Variants in SKAP1 observed in about 807,000 individuals in gnomAD.
SKAP1 encodes src kinase-associated phosphoprotein 1.
Under a neutral mutation model 58.5 loss-of-function variants are expected in SKAP1, and 44 were observed. The ratio of observed to expected loss-of-function variants is 0.75; its 90% CI spans 0.59 to 0.97. SKAP1 has a LOEUF of 0.97. Ranked by LOEUF, SKAP1 falls within the 50% of genes least tolerant of loss-of-function variation. SKAP1 has a pLI of 0.00. For missense variants in SKAP1, 390 were observed against 435.2 expected, an observed-to-expected ratio of 0.90 and a Z score of 0.92; for synonymous variants, 127 against 149.7, an observed-to-expected ratio of 0.85 and a Z score of 1.11.
chr17:48,156,438 G>A (rs750931820), intron 11 of SKAP1: 7 of 524,650 alleles, frequency 1.3e-5, no homozygotes, highest in African/African-American at 1.9e-5. Context: ...CTGCACCAGC[G>A]CCACAATCTG....
intron 10 of SKAP1, among the ~76,000 whole-genome samples, chr17:48,167,319 G>T (rs542637085): frequency 1.3e-5 from 2 of 152,252 alleles, no homozygotes; most frequent in Admixed American, 6.5e-5. Flanking sequence ...TATGATCTTA[G>T]TGGTATAAGT....
intron 4 of SKAP1, among the ~76,000 whole-genome samples, chr17:48,293,823 C>T (rs1017200319): frequency 5.9e-5 from 9 of 152,198 alleles, no homozygotes; most frequent in Non-Finnish European, 1.2e-4. Flanking sequence ...CATTGACATT[C>T]ACAGCAGCAT....
intron 4 of SKAP1, among the ~76,000 whole-genome samples, chr17:48,229,479 G>T (rs565160803): frequency 1.6e-4 from 24 of 152,078 alleles, no homozygotes; most frequent in South Asian, 1.0e-3. Flanking sequence ...AAATTAGCTG[G>T]GCGTTGTGGT....
intron 1 of SKAP1, among the ~76,000 whole-genome samples, chr17:48,408,429 C>T (rs950575255): frequency 6.6e-6 from 1 of 152,050 alleles, no homozygotes; most frequent in Non-Finnish European, 1.5e-5. Context: ...TATAAACTAT[C>T]CCAGAGCATA....
At chr17:48,398,868 A>C (rs1422205565) in intron 1 of SKAP1, among the ~76,000 whole-genome samples, 2 of 152,104 alleles carry the variant, frequency 1.3e-5, no homozygotes, top group African/African-American at 4.8e-5. Context: ...TAAAAATACA[A>C]AAATTAGCTG....
intron 3 of SKAP1, among the ~76,000 whole-genome samples, chr17:48,349,475 A>G (rs559764560): frequency 6.6e-6 from 1 of 152,346 alleles, no homozygotes; most frequent in African/African-American, 2.4e-5. Context: ...CTATACAGAT[A>G]TATATTCTAA....
At chr17:48,295,928 C>T (rs2065963874) in intron 4 of SKAP1, among the ~76,000 whole-genome samples, 1 of 151,616 alleles carries the variant, frequency 6.6e-6, no homozygotes, top group Non-Finnish European at 1.5e-5. Flanking sequence ...ATAATATATG[C>T]AAAACATATA....
At chr17:48,372,978 T>A (rs146969117) in intron 2 of SKAP1, among the ~76,000 whole-genome samples, 7 of 152,160 alleles carry the variant, frequency 4.6e-5, no homozygotes, top group Admixed American at 6.5e-5. Flanking sequence ...ATTTTACACA[T>A]GAGGAAACTC....
the SKAP1 span, among the ~76,000 whole-genome samples, chr17:48,442,210 G>A: frequency 6.6e-6 from 1 of 152,150 alleles, no homozygotes; most frequent in Non-Finnish European, 1.5e-5. Context: ...GGGGTGTGGT[G>A]GGGTGTGAGG....
chr17:48,319,163 T>C (rs1157357983), intron 4 of SKAP1, among the ~76,000 whole-genome samples: 3 of 152,138 alleles, frequency 2.0e-5, no homozygotes, highest in Admixed American at 2.0e-4. Flanking sequence ...TTGTTTCTAG[T>C]CCCCTACAGA....
At chr17:48,258,092 T>A (rs1178822067) in intron 4 of SKAP1, among the ~76,000 whole-genome samples, 1 of 152,010 alleles carries the variant, frequency 6.6e-6, no homozygotes, top group East Asian at 1.9e-4. Context: ...CAAAAAAAAG[T>A]CAGGATTCGA....
At chr17:48,148,595 C>T (rs1472879028) in intron 11 of SKAP1, among the ~76,000 whole-genome samples, 1 of 152,242 alleles carries the variant, frequency 6.6e-6, no homozygotes, top group Non-Finnish European at 1.5e-5. Context: ...CTCGGCCCAT[C>T]TGTGCTGCGT....
intron 2 of SKAP1, among the ~76,000 whole-genome samples, chr17:48,382,755 T>C (rs761725158): frequency 6.6e-5 from 10 of 152,154 alleles, no homozygotes; most frequent in Non-Finnish European, 1.0e-4. Flanking sequence ...AGTGAAGCCA[T>C]CTTAACCAAA....
intron 2 of SKAP1, among the ~76,000 whole-genome samples, chr17:48,374,835 A>T (rs138988216): frequency 3.0e-4 from 46 of 152,330 alleles, no homozygotes; most frequent in African/African-American, 1.0e-3. Context: ...GGAAAACAGC[A>T]CCATCTGGTG....
chr17:48,286,492 A>G (rs1385658788), intron 4 of SKAP1, among the ~76,000 whole-genome samples: 1 of 152,258 alleles, frequency 6.6e-6, no homozygotes, highest in Non-Finnish European at 1.5e-5. Context: ...GCAATTTTCT[A>G]TAATATTGCC....
intron 4 of SKAP1, among the ~76,000 whole-genome samples, chr17:48,233,373 G>A (rs1025630675): frequency 3.9e-5 from 6 of 152,184 alleles, no homozygotes; most frequent in African/African-American, 1.4e-4. Context: ...AAAGAGAAAG[G>A]ATGGCAGTGC....
intron 4 of SKAP1, chr17:48,196,934 T>C (rs1487883759): frequency 6.6e-6 from 1 of 152,278 alleles, no homozygotes; most frequent in Non-Finnish European, 1.5e-5. Flanking sequence ...GTTAAGTACC[T>C]ATAAGAGGGC....
intron 4 of SKAP1, among the ~76,000 whole-genome samples, chr17:48,198,578 A>G (rs2064678664): frequency 1.3e-5 from 2 of 151,544 alleles, no homozygotes; most frequent in Middle Eastern, 3.2e-3. Flanking sequence ...AGCTTATCCT[A>G]TGTATGCTAC....
At chr17:48,364,154 T>C in intron 2 of SKAP1, among the ~76,000 whole-genome samples, 1 of 152,216 alleles carries the variant, frequency 6.6e-6, no homozygotes, top group East Asian at 1.9e-4. Context: ...ATCTGGCCTG[T>C]GTATTACAGG....
Sources: gnomAD v4.1 joint callset for allele counts (sites outside exome capture counted in the v4.1 genomes callset) on GRCh38, gnomAD v4.1.1 for gene constraint, MANE v1.5 for transcripts, NCBI Gene and HGNC (gene_info 2026-07-23, HGNC 2026-07-21) for gene names.